Variants in POLK observed in about 807,000 individuals in gnomAD.
POLK encodes polymerase (DNA directed) kappa.
In POLK, 76 loss-of-function variants were observed where a neutral mutation model predicts 94.0. The ratio of observed to expected loss-of-function variants is 0.81; its 90% CI spans 0.67 to 0.98. POLK has a LOEUF of 0.98. POLK is among the 50% of genes least tolerant of loss of function. POLK has a pLI of 0.00. For synonymous variants in POLK, 349 were observed against 325.4 expected, an observed-to-expected ratio of 1.07 and a Z score of -0.78; for missense variants, 954 against 1,010.1, an observed-to-expected ratio of 0.94 and a Z score of 0.75.
chr5:75,527,542 A>AC, intron 1 of POLK, among the ~76,000 whole-genome samples: 1 of 133,356 alleles, frequency 7.5e-6, no homozygotes, highest in African/African-American at 3.0e-5. Context: ...CACACACACA[A>AC]GTACGTGTGT....
intron 11 of POLK, 200 bp downstream of exon 11, chr5:75,590,640 T>C (rs1772736161): frequency 7.5e-6 from 4 of 532,154 alleles, no homozygotes; most frequent in Admixed American, 3.1e-5. Context: ...GGTGATTCTA[T>C]GAAGAAGCAC....
At chr5:75,595,267 A>AAAAAAAAAAAAAAAAAAAAC (rs1561412818) in intron 12 of POLK, among the ~76,000 whole-genome samples, 2 of 150,432 alleles carry the variant, frequency 1.3e-5, no homozygotes, top group African/African-American at 2.5e-5. Context: ...AAAAAAAAAA[A>AAAAAAAAAAAAAAAAAAAAC]AAAAAAGCCC....
downstream of POLK, among the ~76,000 whole-genome samples, chr5:75,603,065 T>C (rs968157531): frequency 6.6e-6 from 1 of 152,218 alleles, no homozygotes; most frequent in African/African-American, 2.4e-5. Flanking sequence ...ACAGTGGTTA[T>C]AGGCATATAT....
chr5:75,597,679 T>A, intron 13 of POLK, 68 bp from the exon 14 acceptor site: 3 of 905,542 alleles, frequency 3.3e-6, no homozygotes, highest in Non-Finnish European at 4.9e-6. Flanking sequence ...CTTTTTAAAT[T>A]TGTATACAAC....
chr5:75,608,575 A>G, the POLK span, among the ~76,000 whole-genome samples: 1 of 152,234 alleles, frequency 6.6e-6, no homozygotes, highest in African/African-American at 2.4e-5. Context: ...TAGACATTTC[A>G]GTGGTAAGTG....
At chr5:75,524,037 G>A (rs1267663340) in intron 1 of POLK, among the ~76,000 whole-genome samples, 1 of 152,048 alleles carries the variant, frequency 6.6e-6, no homozygotes, top group Non-Finnish European at 1.5e-5. Context: ...GGCTGAGGCA[G>A]GAGAATCACT....
chr5:75,549,760 G>A (rs1324546831), intron 2 of POLK, among the ~76,000 whole-genome samples: 1 of 151,958 alleles, frequency 6.6e-6, no homozygotes, highest in East Asian at 1.9e-4. Context: ...GAATAGTAAA[G>A]TAAATCCCCA....
intron 1 of POLK, among the ~76,000 whole-genome samples, chr5:75,532,722 C>T (rs1399574521): frequency 1.3e-5 from 2 of 152,156 alleles, no homozygotes; most frequent in Non-Finnish European, 2.9e-5. Context: ...TGAGTGTTTC[C>T]TTTTCACTAC....
intron 2 of POLK, among the ~76,000 whole-genome samples, chr5:75,549,253 A>G (rs1770212658): frequency 6.6e-6 from 1 of 152,058 alleles, no homozygotes; most frequent in Admixed American, 6.5e-5. Context: ...AGATGTCCCT[A>G]TCTATCTGAT....
At position 75,591,912 on chromosome 5, in the gene POLK, G is replaced by A. The variant is rs371639309; in HGVS notation, c.1356+1472G>A. On this transcript the variant is annotated intron_variant, in intron 11 of 14. Coordinates refer to ENST00000241436, the Ensembl canonical transcript of POLK. ...ATGGGGTGTATAATAGCCACATGAT[G>A]TCATGGTTGATATTAACCTTCATCA... 5.2e-4 allele frequency among the ~76,000 whole-genome samples: 79 copies of A among 152,312 alleles called. 1 individual carries two copies. The highest frequency in any genetic ancestry group is 1.8e-3 in the African/African-American group (74 of 41,556).
At chr5:75,549,375 T>A (rs1293566652) in intron 2 of POLK, among the ~76,000 whole-genome samples, 1 of 152,102 alleles carries the variant, frequency 6.6e-6, no homozygotes, top group Admixed American at 6.6e-5. Flanking sequence ...CCTGTTTGTA[T>A]GTAAACAACA....
In POLK at chr5:75,593,867, A is replaced by T. The variant is rs754989184; in HGVS notation, c.1357-11A>T. 6 of 1,465,076 alleles carry T rather than the reference A, an allele frequency of 4.1e-6. No individual in the cohort carries two copies. Among genetic ancestry groups the T allele is most frequent in the South Asian group, 2.4e-5 (2 of 82,456 alleles). The allele number at this position is 1,465,076 out of a possible 1,614,324, so 90.8% of individuals were successfully genotyped here. A position where few individuals can be genotyped will look rare whatever the true frequency, so the allele number is the denominator to read the frequency against. On this transcript the variant is annotated splice_polypyrimidine_tract_variant and intron_variant, in intron 11 of 14. Transcript: ENST00000241436. ...CATAAATAAATAAATAACATATTGTATATGTTATAGGGTAGAACTGTTACC... is the reference window on the plus strand; with the variant it reads ...CATAAATAAATAAATAACATATTGTTTATGTTATAGGGTAGAACTGTTACC...
intron 1 of POLK, among the ~76,000 whole-genome samples, chr5:75,530,902 T>C (rs577985310): frequency 6.6e-6 from 1 of 151,020 alleles, no homozygotes; most frequent in South Asian, 2.1e-4. Context: ...GCCTCCCAGG[T>C]TCATGCCGTT....
At chr5:75,574,488 G>A (rs1257309593) in intron 5 of POLK, among the ~76,000 whole-genome samples, 1 of 152,082 alleles carries the variant, frequency 6.6e-6, no homozygotes, top group Non-Finnish European at 1.5e-5. Flanking sequence ...GGTCTATCAT[G>A]CAGTGCTGGA....
exon 15 of POLK, chr5:75,598,132 ATCCT>A (rs1428642351): frequency 1.9e-5 from 9 of 484,950 alleles, no homozygotes; most frequent in Non-Finnish European, 3.3e-5. Context: ...AAGTGCAATA[ATCCT>A]TCCTCAGATG....
intron 11 of POLK, among the ~76,000 whole-genome samples, chr5:75,592,248 A>C (rs1772828125): frequency 6.6e-6 from 1 of 152,258 alleles, no homozygotes; most frequent in South Asian, 2.1e-4. Flanking sequence ...AGCATCTGGC[A>C]ATGCAGAAGG....
chr5:75,537,631 A>T (rs1476216998), intron 1 of POLK, among the ~76,000 whole-genome samples: 2 of 152,110 alleles, frequency 1.3e-5, no homozygotes, highest in Non-Finnish European at 2.9e-5. Flanking sequence ...ACATTCCATC[A>T]CTTCTACTTC....
rs537045154 is a variant in POLK, at chr5:75,546,213, C to T, written c.-13-797C>T. ...ATGTATTTTGTATGTTATATTTGTT[C>T]TGTACTGTATTTTTACAATAAAGAA... is the stretch of plus-strand genomic sequence containing the variant. On this transcript the variant is annotated intron_variant, in intron 1 of 14. Coordinates refer to ENST00000241436, the Ensembl canonical transcript of POLK. Among the ~76,000 whole-genome samples, 5 of 152,142 alleles carry T rather than the reference C, an allele frequency of 3.3e-5. No individual in the cohort carries two copies. The East Asian group carries it at 9.7e-4, about 29-fold the overall frequency.
chr5:75,587,525 AAAT>A (rs1321893573), intron 10 of POLK, among the ~76,000 whole-genome samples: 18 of 152,214 alleles, frequency 1.2e-4, no homozygotes, highest in Admixed American at 2.0e-4. Context: ...AAACCAAATG[AAAT>A]AATGATGGAA....
Sources: gnomAD v4.1 joint callset for allele counts (sites outside exome capture counted in the v4.1 genomes callset) on GRCh38, gnomAD v4.1.1 for gene constraint, MANE v1.5 for transcripts, NCBI Gene and HGNC (gene_info 2026-07-23, HGNC 2026-07-21) for gene names.